Variants in CARMIL1 observed in about 807,000 individuals in gnomAD.
The protein encoded by CARMIL1 is F-actin-uncapping protein LRRC16A.
Under a neutral mutation model 177.1 loss-of-function variants are expected in CARMIL1, and 90 were observed. The observed-to-expected ratio is 0.51, with a 90% confidence interval of 0.43 to 0.61. CARMIL1 has a LOEUF of 0.61. Ranked by LOEUF, CARMIL1 falls within the 20% of genes least tolerant of loss-of-function variation. The pLI is 0.00. For missense variants in CARMIL1, 1,380 were observed against 1,667.0 expected (o/e 0.83, Z 3.00); for synonymous variants, 577 against 606.2 (o/e 0.95, Z 0.71).
chr6:25,521,107 A>G (rs1257127068), intron 23 of CARMIL1, among the ~76,000 whole-genome samples: 1 of 152,070 alleles, frequency 6.6e-6, no homozygotes, highest in Non-Finnish European at 1.5e-5. Context: ...TTAGAAAGGA[A>G]AGCTTCGTTA....
intron 20 of CARMIL1, among the ~76,000 whole-genome samples, chr6:25,512,271 A>G (rs1234892910): frequency 6.6e-6 from 1 of 152,218 alleles, no homozygotes; most frequent in Non-Finnish European, 1.5e-5. Flanking sequence ...CTTAAAGATG[A>G]TAGTTAAAAT....
At chr6:25,619,352 C>G (rs1759548844) in intron 36 of CARMIL1, 95 bp from the exon 37 acceptor site, 2 of 1,341,732 alleles carry the variant, frequency 1.5e-6, no homozygotes, top group Admixed American at 2.5e-5. Context: ...CTCCCCTCCC[C>G]CAAACCTTCA....
At position 25,607,165 on chromosome 6, in the gene CARMIL1, AACAAACAAAAAAACAC is replaced by A. The variant is rs201410102; in HGVS notation, c.3847+898_3847+913del. Among the ~76,000 whole-genome samples, 425 of 147,360 alleles carry A rather than the reference AACAAACAAAAAAACAC, an allele frequency of 2.9e-3. 2 individuals carry two copies. Among genetic ancestry groups the A allele is most frequent in the Middle Eastern group, 0.021 (6 of 286 alleles). ...CACCCTATCTCAAAAAAACCAACCA[AACAAACAAAAAAACAC>A]ACAAAAAAACACCACACACACACAC... On this transcript the variant is annotated intron_variant, in intron 35 of 36. Coordinates refer to ENST00000329474, the MANE Select transcript of CARMIL1 (RefSeq NM_017640.6).
chr6:25,394,070 A>G (rs150520518), intron 2 of CARMIL1, among the ~76,000 whole-genome samples: 95 of 152,200 alleles, frequency 6.2e-4, no homozygotes, highest in African/African-American at 2.2e-3. Flanking sequence ...CCCACATACC[A>G]CCACTTAGTT....
chr6:25,605,128 A>C (rs1424637502), intron 34 of CARMIL1, among the ~76,000 whole-genome samples: 2 of 152,118 alleles, frequency 1.3e-5, no homozygotes, highest in Non-Finnish European at 2.9e-5. Flanking sequence ...GATTTCCCAA[A>C]GGGAGGAAAT....
At chr6:25,464,043 C>G (rs1291379402) in intron 8 of CARMIL1, among the ~76,000 whole-genome samples, 3 of 151,844 alleles carry the variant, frequency 2.0e-5, no homozygotes, top group Non-Finnish European at 2.9e-5. Context: ...AGGATGGTCT[C>G]GATCTCCTGA....
intron 29 of CARMIL1, among the ~76,000 whole-genome samples, chr6:25,570,505 G>C (rs181936906): frequency 6.6e-6 from 1 of 152,288 alleles, no homozygotes; most frequent in African/African-American, 2.4e-5. Context: ...GTTGCAAGAT[G>C]AGTTATGAGG....
chr6:25,459,020 T>C (rs1026110704), intron 8 of CARMIL1, among the ~76,000 whole-genome samples: 4 of 152,092 alleles, frequency 2.6e-5, no homozygotes, highest in Non-Finnish European at 5.9e-5. Context: ...AAAATCCTTA[T>C]GTTACAGAAA....
chr6:25,441,773 G>A (rs73393836), intron 5 of CARMIL1, among the ~76,000 whole-genome samples: 1,887 of 152,226 alleles, frequency 0.012, 50 homozygotes, highest in African/African-American at 0.043. Flanking sequence ...GAGCTTCAGT[G>A]TTGTCATCTG....
chr6:25,283,479 A>G (rs1281853126), intron 1 of CARMIL1, among the ~76,000 whole-genome samples: 3 of 152,214 alleles, frequency 2.0e-5, no homozygotes, highest in Non-Finnish European at 4.4e-5. Context: ...AGCATTTTCC[A>G]GCAACATTAG....
intron 2 of CARMIL1, among the ~76,000 whole-genome samples, chr6:25,388,817 A>C (rs73383472): frequency 0.023 from 3,479 of 152,132 alleles, 107 homozygotes; most frequent in African/African-American, 0.076. Context: ...CTGGGACTAT[A>C]GGCACAGACC....
chr6:25,511,262 G>T (rs778075283), intron 20 of CARMIL1, among the ~76,000 whole-genome samples: 1 of 152,040 alleles, frequency 6.6e-6, no homozygotes, highest in Non-Finnish European at 1.5e-5. Flanking sequence ...CCCTTTCGTT[G>T]CTCCTGACCA....
chr6:25,450,773 TCCC>T, intron 8 of CARMIL1, 62 bp downstream of exon 8: 3 of 325,166 alleles, frequency 9.2e-6, no homozygotes, highest in South Asian at 3.4e-5. Context: ...CCTTCCTCCC[TCCC>T]CTCCCTCCCT....
Position 25,279,486 on chromosome 6 carries a change from C to T in CARMIL1, c.-310C>T. ...GGGACCAGCGAGCCGGGAGGAGGAG[C>T]AGGCGCCACAGCCGCCCCGCGCCCC... On this transcript the variant is annotated 5_prime_UTR_variant, in exon 1 of 37. Coordinates refer to ENST00000329474, the MANE Select transcript of CARMIL1 (RefSeq NM_017640.6). 1 of 469,766 alleles carries T rather than the reference C, an allele frequency of 2.1e-6. No homozygotes were observed. The highest frequency in any genetic ancestry group is 3.5e-5 in the Admixed American group (1 of 28,712). The allele number at this position is 469,766 out of a possible 1,614,324, so 29.1% of individuals were successfully genotyped here.
chr6:25,342,129 A>G (rs541381646), intron 2 of CARMIL1, among the ~76,000 whole-genome samples: 2 of 152,322 alleles, frequency 1.3e-5, no homozygotes, highest in African/African-American at 2.4e-5. Context: ...AGACTTTGGC[A>G]TAAGAATGGT....
At chr6:25,414,347 T>C (rs965028892) in intron 2 of CARMIL1, among the ~76,000 whole-genome samples, 2 of 152,156 alleles carry the variant, frequency 1.3e-5, no homozygotes, top group Non-Finnish European at 2.9e-5. Context: ...ACTAGAAACG[T>C]CTTATACAAA....
chr6:25,418,225 C>T (rs9467507), intron 2 of CARMIL1, among the ~76,000 whole-genome samples: 59,122 of 151,972 alleles, frequency 0.39, 11,627 homozygotes, highest in Middle Eastern at 0.46. Flanking sequence ...ACTGGAAACA[C>T]CTTGTGCAAA....
At chr6:25,543,638 T>G (rs1050302326) in intron 26 of CARMIL1, among the ~76,000 whole-genome samples, 62 of 152,264 alleles carry the variant, frequency 4.1e-4, no homozygotes, top group African/African-American at 1.4e-3. Flanking sequence ...GCTTAAATGG[T>G]AAAATACTTG....
intron 8 of CARMIL1, among the ~76,000 whole-genome samples, chr6:25,451,734 G>A (rs1035684104): frequency 2.6e-5 from 4 of 152,080 alleles, no homozygotes; most frequent in African/African-American, 9.7e-5. Flanking sequence ...TTCTGGATGT[G>A]CTGCTACTTA....
Sources: gnomAD v4.1 joint callset for allele counts (sites outside exome capture counted in the v4.1 genomes callset) on GRCh38, gnomAD v4.1.1 for gene constraint, MANE v1.5 for transcripts, NCBI Gene and HGNC (gene_info 2026-07-23, HGNC 2026-07-21) for gene names.